The following GLO1 variants were observed in gnomAD, a reference collection of about 807,000 sequenced individuals.
The protein encoded by GLO1 is lactoylglutathione lyase.
In GLO1, 28 loss-of-function variants were observed where a neutral mutation model predicts 26.0. That is an observed-to-expected ratio of 1.08 (90% CI 0.80 to 1.48). The LOEUF (loss-of-function observed/expected upper bound fraction) is 1.48. GLO1 is among the 40% of genes most tolerant of loss of function. The pLI is 0.00. For missense variants in GLO1, 225 were observed against 224.8 expected, an observed-to-expected ratio of 1.00 and a Z score of -0.01; for synonymous variants, 78 against 77.6, an observed-to-expected ratio of 1.00 and a Z score of -0.03.
At chr6:38,690,077 C>T (rs1228352075) in intron 1 of GLO1, among the ~76,000 whole-genome samples, 1 of 152,076 alleles carries the variant, frequency 6.6e-6, no homozygotes, top group African/African-American at 2.4e-5. Flanking sequence ...CCTGCCTTGG[C>T]CTAAGAATTC....
At position 38,702,055 on chromosome 6, in the gene GLO1, C is replaced by G. The variant is rs1489048280; in HGVS notation, c.84+916G>C. 5.3e-5 allele frequency among the ~76,000 whole-genome samples: 8 copies of G among 152,022 alleles called. No individual in the cohort carries two copies. The East Asian group carries it at 1.4e-3, about 26-fold the overall frequency. On this transcript the variant is annotated intron_variant, in intron 1 of 5. Transcript: ENST00000373365. ...ATGCCATTCTCCTGCCTCAGCCTCC[C>G]GAGTAGCTGGGACTACAGGCACCCG... is the stretch of plus-strand genomic sequence containing the variant.
intron 1 of GLO1, among the ~76,000 whole-genome samples, chr6:38,700,642 C>T (rs1483191281): frequency 6.6e-6 from 1 of 152,192 alleles, no homozygotes; most frequent in Non-Finnish European, 1.5e-5. Flanking sequence ...ACCCCAGGTC[C>T]ATTGTATATT....
intron 5 of GLO1, among the ~76,000 whole-genome samples, chr6:38,680,917 T>C (rs765619393): frequency 6.6e-6 from 1 of 152,088 alleles, no homozygotes; most frequent in Non-Finnish European, 1.5e-5. Context: ...ACAAGAGATA[T>C]ATGAAGAAAA....
At chr6:38,680,425 G>A (rs1322920485) in intron 5 of GLO1, among the ~76,000 whole-genome samples, 1 of 152,202 alleles carries the variant, frequency 6.6e-6, no homozygotes. Flanking sequence ...GGAGGCTGAG[G>A]CAAGAGAATC....
chr6:38,699,875 G>T (rs1217011072), intron 1 of GLO1, among the ~76,000 whole-genome samples: 5 of 151,412 alleles, frequency 3.3e-5, no homozygotes, highest in Non-Finnish European at 5.9e-5. Flanking sequence ...TTTGCCCTTT[G>T]CCTTGTGATC....
intron 1 of GLO1, among the ~76,000 whole-genome samples, chr6:38,689,729 G>A (rs1050513355): frequency 3.3e-5 from 5 of 152,082 alleles, no homozygotes; most frequent in African/African-American, 1.2e-4. Context: ...GGCGGATCAC[G>A]AGGTCAGGAG....
rs1462633702 is a variant in GLO1 at position 38,677,181 on chromosome 6, G to A, written c.*114C>T. ...AAATAGGAAGGGGAAATGGACTGAA[G>A]AATAATTTGAATCGGGACAGTGATC... On this transcript the variant is annotated 3_prime_UTR_variant, in exon 6 of 6. Coordinates refer to ENST00000373365, the MANE Select transcript of GLO1 (RefSeq NM_006708.3). 6 of 719,418 alleles carry A rather than the reference G, an allele frequency of 8.3e-6. No individual in the cohort carries two copies. Among genetic ancestry groups the A allele is most frequent in the Non-Finnish European group, 1.5e-5 (6 of 398,860 alleles). The allele number at this position is 719,418 out of a possible 1,614,324, so 44.6% of individuals were successfully genotyped here. A position where few individuals can be genotyped will look rare whatever the true frequency, so the allele number is the denominator to read the frequency against.
In GLO1 at chr6:38,693,066, G is replaced by A. The variant is rs933550987; in HGVS notation, c.85-6092C>T. Among the ~76,000 whole-genome samples the A allele has an allele frequency of 4.6e-5, 7 of 152,004 alleles. No homozygotes were observed. The South Asian group carries it at 8.3e-4, about 18-fold the overall frequency. ...CAAATGAATTGGGAAGTGTTCTCCC[G>A]TCTTCAGTTTTCTGGAAGGGGTTGT... On this transcript the variant is annotated intron_variant, in intron 1 of 5. Transcript: ENST00000373365.
intron 1 of GLO1, among the ~76,000 whole-genome samples, chr6:38,691,465 C>T (rs1003294938): frequency 4.6e-5 from 7 of 152,166 alleles, no homozygotes; most frequent in South Asian, 2.1e-4. Flanking sequence ...CCAGCCACCA[C>T]GCCCAGCTAA....
Position 38,677,386 on chromosome 6 carries a change from G to A in GLO1, c.467-3C>T. 2 of 1,352,250 alleles carry A rather than the reference G, an allele frequency of 1.5e-6. No individual in the cohort carries two copies. Among genetic ancestry groups the A allele is most frequent in the Non-Finnish European group, 2.1e-6 (2 of 948,696 alleles). The allele number at this position is 1,352,250 out of a possible 1,614,324, so 83.8% of individuals were successfully genotyped here. On this transcript the variant is annotated splice_region_variant and splice_polypyrimidine_tract_variant and intron_variant, in intron 5 of 5. Coordinates refer to ENST00000373365, the MANE Select transcript of GLO1 (RefSeq NM_006708.3). Reference sequence around the variant, plus strand: ...AAATGCCAGGCCTTTCATTTTACCTGTAAAATGAAAATTTTCATTATTGAA... The same window carrying A: ...AAATGCCAGGCCTTTCATTTTACCTATAAAATGAAAATTTTCATTATTGAA...
intron 2 of GLO1, among the ~76,000 whole-genome samples, chr6:38,685,801 C>T (rs1306319891): frequency 6.6e-6 from 1 of 152,226 alleles, no homozygotes; most frequent in East Asian, 1.9e-4. Context: ...AATCTTCCAG[C>T]TTACTGTCAA....
chr6:38,690,653 G>A (rs1761516665), intron 1 of GLO1, among the ~76,000 whole-genome samples: 1 of 151,980 alleles, frequency 6.6e-6, no homozygotes, highest in Non-Finnish European at 1.5e-5. Context: ...ATTATTAAGA[G>A]AACTATGTAC....
At chr6:38,700,155 G>C (rs71571342) in intron 1 of GLO1, among the ~76,000 whole-genome samples, 2,438 of 152,252 alleles carry the variant, frequency 0.016, 26 homozygotes, top group African/African-American at 0.022. Context: ...TTCTCAGCTG[G>C]CCAATACTTA....
intron 1 of GLO1, 79 bp from the exon 2 acceptor site, chr6:38,687,053 A>T: frequency 6.5e-7 from 1 of 1,526,832 alleles, no homozygotes; most frequent in Non-Finnish European, 8.8e-7. Context: ...CTGTAACAAG[A>T]TACAAACACA....
chr6:38,677,825 A>T lies in GLO1; in HGVS notation c.467-442T>A, dbSNP rs562847226. The stretch of plus-strand genomic sequence containing the variant: ...TATTGTCAGAAAAGTATGAAAAGTC[A>T]TACTTTTCATAATGACTAAAATGTT... On this transcript the variant is annotated intron_variant, in intron 5 of 5. Coordinates refer to ENST00000373365, the MANE Select transcript of GLO1 (RefSeq NM_006708.3). 1.9e-3 allele frequency among the ~76,000 whole-genome samples: 288 copies of T among 152,314 alleles called. 1 individual carries two copies. Among genetic ancestry groups the T allele is most frequent in the Middle Eastern group, 6.8e-3 (2 of 294 alleles).
intron 1 of GLO1, among the ~76,000 whole-genome samples, chr6:38,701,516 C>T (rs145996621): frequency 1.4e-4 from 22 of 152,180 alleles, no homozygotes; most frequent in African/African-American, 5.3e-4. Context: ...TTTGAAAACC[C>T]CATTACATAA....
chr6:38,682,402 A>G (rs930741577), intron 4 of GLO1, among the ~76,000 whole-genome samples: 4 of 152,224 alleles, frequency 2.6e-5, no homozygotes, highest in African/African-American at 9.6e-5. Flanking sequence ...TCATTTACTA[A>G]TACTTAATAG....
chr6:38,699,686 A>C (rs1761667033), intron 1 of GLO1, among the ~76,000 whole-genome samples: 1 of 152,104 alleles, frequency 6.6e-6, no homozygotes, highest in Non-Finnish European at 1.5e-5. Context: ...ATAAGGACTG[A>C]GATACGCCCT....
At chr6:38,695,223 T>A (rs1468863029) in intron 1 of GLO1, among the ~76,000 whole-genome samples, 1 of 152,180 alleles carries the variant, frequency 6.6e-6, no homozygotes, top group Non-Finnish European at 1.5e-5. Flanking sequence ...TCAATTTTCA[T>A]TTATCTGTAG....
Sources: allele counts gnomAD v4.1 joint callset (sites outside exome capture counted in the v4.1 genomes callset), GRCh38; gene constraint gnomAD v4.1.1; transcripts MANE v1.5; gene names NCBI Gene and HGNC (gene_info 2026-07-23, HGNC 2026-07-21).